Variants in CAST observed in about 807,000 individuals in gnomAD.
CAST encodes the protein calpastatin, also known as MIR583 host.
A neutral mutation model predicts 119.6 loss-of-function variants in CAST; 76 were observed. The observed-to-expected ratio is 0.64, with a 90% CI of 0.53 to 0.77. The LOEUF (loss-of-function observed/expected upper bound fraction) is 0.77. Among genes scored for constraint, CAST ranks in the 30% least tolerant of loss-of-function variants. The pLI is 0.00. For missense variants in CAST, 953 were observed against 946.5 expected (o/e 1.01, Z -0.09); for synonymous variants, 319 against 331.6 (o/e 0.96, Z 0.41).
At chr5:96,535,944 A>G (rs1283520400) in intron 1 of CAST, among the ~76,000 whole-genome samples, 2 of 151,824 alleles carry the variant, frequency 1.3e-5, no homozygotes, top group Non-Finnish European at 1.5e-5. Flanking sequence ...CGACAATTGA[A>G]GATACTGTTG....
At chr5:96,317,295 C>G in the CAST span, among the ~76,000 whole-genome samples, 1 of 137,632 alleles carries the variant, frequency 7.3e-6, no homozygotes, top group Non-Finnish European at 1.5e-5. Context: ...GAAACTGTGT[C>G]TGTACCAAAA....
chr5:96,562,278 C>T (rs1746389750), intron 1 of CAST, among the ~76,000 whole-genome samples: 1 of 151,938 alleles, frequency 6.6e-6, no homozygotes, highest in African/African-American at 2.4e-5. Flanking sequence ...CAACTTATAT[C>T]ACAGACAAAT....
chr5:96,416,881 C>T, the CAST span, among the ~76,000 whole-genome samples: 3 of 152,198 alleles, frequency 2.0e-5, no homozygotes, highest in African/African-American at 7.2e-5. Context: ...ACCACTAAAG[C>T]ATCTATTCTG....
At chr5:96,474,647 C>T in the CAST span, among the ~76,000 whole-genome samples, 7 of 152,146 alleles carry the variant, frequency 4.6e-5, no homozygotes, top group African/African-American at 7.2e-5. Context: ...AGGAAGAGCT[C>T]GGAAGGCCAT....
the CAST span, among the ~76,000 whole-genome samples, chr5:96,027,652 T>C: frequency 1.3e-5 from 2 of 152,082 alleles, no homozygotes; most frequent in African/African-American, 4.8e-5. Context: ...AAACAAGAGA[T>C]CACACAAGTT....
chr5:96,364,398 G>C, the CAST span, among the ~76,000 whole-genome samples: 7 of 152,214 alleles, frequency 4.6e-5, no homozygotes, highest in African/African-American at 1.7e-4. Flanking sequence ...AATAGTTTCA[G>C]AAGGAATGGT....
At chr5:96,664,354 A>AATATATGTGTGTGTGC (rs1261395950) in intron 1 of CAST, among the ~76,000 whole-genome samples, 20 of 151,686 alleles carry the variant, frequency 1.3e-4, no homozygotes, top group Non-Finnish European at 2.9e-4. Flanking sequence ...TATATATGTA[A>AATATATGTGTGTGTGC]ATATATGTGT....
chr5:96,564,672 A>T (rs1270549753), intron 1 of CAST, among the ~76,000 whole-genome samples: 2 of 152,234 alleles, frequency 1.3e-5, no homozygotes, highest in Non-Finnish European at 2.9e-5. Context: ...TAATCCCAGC[A>T]CTTTGGGAGG....
chr5:96,617,998 A>G (rs1747504051), intron 1 of CAST, among the ~76,000 whole-genome samples: 1 of 152,048 alleles, frequency 6.6e-6, no homozygotes, highest in Non-Finnish European at 1.5e-5. Flanking sequence ...CACATAGGAC[A>G]AGGCTCTGCT....
At chr5:96,581,665 C>T (rs1445560462) in intron 1 of CAST, among the ~76,000 whole-genome samples, 5 of 152,168 alleles carry the variant, frequency 3.3e-5, no homozygotes, top group African/African-American at 9.6e-5. Context: ...CCGAGACGGG[C>T]GGATCACAAG....
the CAST span, among the ~76,000 whole-genome samples, chr5:96,518,601 T>C: frequency 6.6e-6 from 1 of 152,180 alleles, no homozygotes; most frequent in Non-Finnish European, 1.5e-5. Flanking sequence ...GCAGTTATAA[T>C]GATTGCAAAG....
At chr5:96,135,405 G>T in the CAST span, among the ~76,000 whole-genome samples, 1 of 152,130 alleles carries the variant, frequency 6.6e-6, no homozygotes, top group African/African-American at 2.4e-5. Context: ...GTTATGGGAG[G>T]TAATGGAAAA....
chr5:96,544,261 T>C lies in CAST; in HGVS notation c.60+14381T>C, dbSNP rs116126983. The stretch of plus-strand genomic sequence containing the variant: ...CTATTATTTTTTAGTTGTAGGCATA[T>C]AGATCCTGTACATATTTTGCTAGAT... On this transcript the variant is annotated intron_variant, in intron 1 of 11. Coordinates refer to the CAST transcript ENST00000505143. 6.7e-3 allele frequency among the ~76,000 whole-genome samples: 1,019 copies of C among 152,356 alleles called. 18 individuals are homozygous for C. The highest frequency in any genetic ancestry group is 0.024 in the African/African-American group (991 of 41,584).
the CAST span, among the ~76,000 whole-genome samples, chr5:96,093,783 T>C: frequency 1.3e-5 from 2 of 152,156 alleles, no homozygotes; most frequent in Non-Finnish European, 2.9e-5. Flanking sequence ...GAAGAAACTA[T>C]GAATATATTT....
chr5:96,271,295 C>T, the CAST span, among the ~76,000 whole-genome samples: 345 of 152,214 alleles, frequency 2.3e-3, 3 homozygotes, highest in South Asian at 0.016. Flanking sequence ...ATAGCTAAAG[C>T]AACCCTAAGT....
the CAST span, among the ~76,000 whole-genome samples, chr5:96,361,546 C>T: frequency 6.6e-6 from 1 of 152,190 alleles, no homozygotes; most frequent in Non-Finnish European, 1.5e-5. Context: ...CACTGTTCCT[C>T]ACGGCATGGT....
At chr5:96,339,998 T>A in the CAST span, among the ~76,000 whole-genome samples, 2 of 152,186 alleles carry the variant, frequency 1.3e-5, no homozygotes, top group Non-Finnish European at 1.5e-5. Context: ...CTTAAAAGTC[T>A]TGCCTGAACT....
intron 25 of CAST, 195 bp downstream of exon 25, chr5:96,762,567 A>G (rs141678640): frequency 8.0e-5 from 39 of 487,768 alleles, no homozygotes; most frequent in Non-Finnish European, 1.2e-4. Context: ...AAATGAAACT[A>G]TATATGTGAA....
chr5:96,425,738 A>G, the CAST span: 4 of 793,738 alleles, frequency 5.0e-6, no homozygotes, highest in African/African-American at 1.7e-5. Context: ...TAAAAAAAAA[A>G]AAAAATCCAT....
Sources: allele counts gnomAD v4.1 joint callset (sites outside exome capture counted in the v4.1 genomes callset), GRCh38; gene constraint gnomAD v4.1.1; transcripts MANE v1.5; gene names NCBI Gene and HGNC (gene_info 2026-07-23, HGNC 2026-07-21).